The following PAK2 variants were observed in gnomAD, a reference collection of about 807,000 sequenced individuals.
PAK2 encodes p21 (RAC1) activated kinase 2.
PAK2 carries 21 observed loss-of-function variants against 65.9 expected under a neutral mutation model. The observed-to-expected ratio is 0.32, with a 90% CI of 0.23 to 0.46. The LOEUF (loss-of-function observed/expected upper bound fraction) is 0.46, where lower values mean the gene tolerates loss of function less well. PAK2 is among the 20% of genes least tolerant of loss of function. The pLI is 1.00. For missense variants in PAK2, 324 were observed against 642.6 expected, an observed-to-expected ratio of 0.50 and a Z score of 5.36; for synonymous variants, 204 against 219.7, an observed-to-expected ratio of 0.93 and a Z score of 0.63.
In PAK2 at chr3:196,817,221, G is replaced by C. The variant is rs151278680; in HGVS notation, c.1054-836G>C. On this transcript the variant is annotated intron_variant, in intron 11 of 14. Coordinates refer to ENST00000327134, the MANE Select transcript of PAK2 (RefSeq NM_002577.4). Reference sequence around the variant, plus strand: ...GCTCTGTCGCCCAGGCTGGAGTGCAGTGGCACAATCTCAGCTTACTGCAAT... The same window carrying C: ...GCTCTGTCGCCCAGGCTGGAGTGCACTGGCACAATCTCAGCTTACTGCAAT... Among the ~76,000 whole-genome samples, 998 of 137,520 alleles carry C rather than the reference G, an allele frequency of 7.3e-3. 8 individuals are homozygous for C. Among genetic ancestry groups the C allele is most frequent in the Middle Eastern group, 0.048 (11 of 228 alleles). 90.2% of individuals were successfully genotyped at this position (137,520 alleles called of 152,430 possible).
chr3:196,794,838 T>C (rs1715197318), intron 2 of PAK2, among the ~76,000 whole-genome samples: 1 of 152,068 alleles, frequency 6.6e-6, no homozygotes, highest in African/African-American at 2.4e-5. Context: ...TGGGGACTCC[T>C]CTCTCCCATT....
chr3:196,785,318 A>G (rs1181267613), intron 2 of PAK2, among the ~76,000 whole-genome samples: 4 of 150,084 alleles, frequency 2.7e-5, no homozygotes, highest in African/African-American at 7.3e-5. Context: ...GTCCTGACCA[A>G]AGATTTAAAG....
At chr3:196,741,494 G>A (rs991359915) in intron 1 of PAK2, among the ~76,000 whole-genome samples, 4 of 152,116 alleles carry the variant, frequency 2.6e-5, no homozygotes, top group Non-Finnish European at 5.9e-5. Flanking sequence ...TGTCATCCTC[G>A]GCTATTAAAT....
intron 3 of PAK2, 151 bp downstream of exon 3, chr3:196,802,178 C>G: frequency 1.6e-6 from 1 of 622,464 alleles, no homozygotes; most frequent in South Asian, 1.9e-5. Flanking sequence ...GCTGGCAGAT[C>G]ATTTGAGGTC....
At chr3:196,781,145 A>G (rs1452631485) in intron 1 of PAK2, among the ~76,000 whole-genome samples, 3 of 152,210 alleles carry the variant, frequency 2.0e-5, no homozygotes, top group African/African-American at 7.2e-5. Flanking sequence ...TGAAATAAAA[A>G]ATTTGTTTTT....
intron 1 of PAK2, among the ~76,000 whole-genome samples, chr3:196,776,355 G>C (rs943963007): frequency 6.6e-6 from 1 of 152,166 alleles, no homozygotes; most frequent in African/African-American, 2.4e-5. Context: ...AGTATGAACC[G>C]TTGTCTTGGA....
rs187837564 is a variant in PAK2 at position 196,785,636 on chromosome 3, T to A, written c.187+2803T>A. On this transcript the variant is annotated intron_variant, in intron 2 of 14. Transcript: ENST00000327134. ...AAGAGAAAGAAATATCTGTTCACTA[T>A]CTATATTAGTCTGTTTTCACACTGC... Among the ~76,000 whole-genome samples the A allele has an allele frequency of 1.5e-4, 23 of 152,334 alleles. No homozygotes were observed. In the East Asian group the frequency reaches 4.4e-3, roughly 29 times the overall value.
At chr3:196,810,709 T>C (rs986157881) in intron 8 of PAK2, 56 bp downstream of exon 8, 1 of 895,910 alleles carries the variant, frequency 1.1e-6, no homozygotes, top group Non-Finnish European at 1.9e-6. Flanking sequence ...TTCCTGGCTT[T>C]ATAGCATGAT....
rs1342790257 is a variant in PAK2, at chr3:196,831,512, A to G, written c.*3107A>G. ...TTCATGTGTTGACTGCCTGGCACATAGTATTCATTCTCTTCCCTTTAACAT... is the reference window on the plus strand; with the variant it reads ...TTCATGTGTTGACTGCCTGGCACATGGTATTCATTCTCTTCCCTTTAACAT... On this transcript the variant is annotated 3_prime_UTR_variant, in exon 15 of 15. Coordinates refer to ENST00000327134, the MANE Select transcript of PAK2 (RefSeq NM_002577.4). 6.6e-6 allele frequency: 1 copy of G among 152,208 alleles called. No individual in the cohort carries two copies. The highest frequency in any genetic ancestry group is 1.5e-5 in the Non-Finnish European group (1 of 68,034). The allele number at this position is 152,208 out of a possible 1,614,324, so 9.4% of individuals were successfully genotyped here. A position where few individuals can be genotyped will look rare whatever the true frequency, so the allele number is the denominator to read the frequency against.
chr3:196,791,022 C>T lies in PAK2; in HGVS notation c.187+8189C>T, dbSNP rs772732032. The stretch of plus-strand genomic sequence containing the variant: ...AACTTTGAAGCTATGCAAAACTCCC[C>T]GGCCTTCCAAGCAGGTTTGCTTTTT... On this transcript the variant is annotated intron_variant, in intron 2 of 14. Transcript: ENST00000327134. The surrounding 1 kb of genome is among the most constrained non-coding windows in gnomAD (Gnocchi z 4.0). 6.6e-5 allele frequency among the ~76,000 whole-genome samples: 10 copies of T among 152,184 alleles called. No homozygotes were observed. The highest frequency in any genetic ancestry group is 1.2e-4 in the Non-Finnish European group (8 of 68,034).
chr3:196,816,755 C>T (rs545978370), intron 11 of PAK2, among the ~76,000 whole-genome samples: 5 of 152,224 alleles, frequency 3.3e-5, no homozygotes, highest in African/African-American at 1.2e-4. Flanking sequence ...AACTTACACC[C>T]GTAGTTCAAA....
chr3:196,751,694 T>TATATATATATATATAA (rs1211217848), intron 1 of PAK2, among the ~76,000 whole-genome samples: 1 of 45,874 alleles, frequency 2.2e-5, no homozygotes, highest in African/African-American at 1.2e-4. Context: ...TATATATATA[T>TATATATATATATATAA]AATTCAGGCT....
chr3:196,815,764 C>T (rs1017046327), intron 11 of PAK2, among the ~76,000 whole-genome samples: 9 of 150,658 alleles, frequency 6.0e-5, no homozygotes, highest in South Asian at 2.1e-4. Flanking sequence ...TCCAGCCTGG[C>T]GACAGAGCAA....
chr3:196,755,457 C>CT (rs10710047), intron 1 of PAK2, among the ~76,000 whole-genome samples: 18 of 123,680 alleles, frequency 1.5e-4, no homozygotes, highest in South Asian at 7.6e-4. Context: ...CTTCTTCCGA[C>CT]TTTTTTTTTT....
chr3:196,823,365 C>T (rs1315010530), intron 13 of PAK2, among the ~76,000 whole-genome samples: 1 of 152,152 alleles, frequency 6.6e-6, no homozygotes, highest in Admixed American at 6.6e-5. Flanking sequence ...GGAGTACGCT[C>T]AGGCTTCAGA....
At chr3:196,792,171 A>G (rs1715094406) in intron 2 of PAK2, among the ~76,000 whole-genome samples, 1 of 152,196 alleles carries the variant, frequency 6.6e-6, no homozygotes, top group Admixed American at 6.5e-5. Context: ...GCATAGAGGA[A>G]AGGTGAGGGA....
chr3:196,740,686 A>G (rs113982040), intron 1 of PAK2, among the ~76,000 whole-genome samples: 2 of 152,122 alleles, frequency 1.3e-5, no homozygotes, highest in Admixed American at 6.5e-5. Flanking sequence ...CCACATTGGT[A>G]AAAACGTAGA....
intron 10 of PAK2, 118 bp from the exon 11 acceptor site, chr3:196,814,333 C>G (rs966157002): frequency 3.3e-6 from 2 of 604,092 alleles, no homozygotes; most frequent in East Asian, 3.0e-5. Flanking sequence ...TCCTAACTCT[C>G]AAGCTACCAG....
intron 2 of PAK2, among the ~76,000 whole-genome samples, chr3:196,795,733 G>A (rs1341429796): frequency 6.6e-6 from 1 of 152,142 alleles, no homozygotes; most frequent in Non-Finnish European, 1.5e-5. Context: ...CGTAAAAGCT[G>A]AACGAGTGTA....
Sources: gnomAD v4.1 joint callset for allele counts (sites outside exome capture counted in the v4.1 genomes callset) on GRCh38, gnomAD v4.1.1 for gene constraint, Gnocchi (gnomAD v3.1) non-coding constraint, MANE v1.5 for transcripts, NCBI Gene and HGNC (gene_info 2026-07-23, HGNC 2026-07-21) for gene names.